Variants in COL4A4 observed in about 807,000 individuals in gnomAD.
COL4A4 encodes the protein collagen type IV alpha 4 chain, also known as collagen alpha-4(IV) chain.
A neutral mutation model predicts 192.9 loss-of-function variants in COL4A4; 105 were observed. That is an observed-to-expected ratio of 0.54 (90% CI 0.46 to 0.64). The LOEUF (loss-of-function observed/expected upper bound fraction) is 0.64, where lower values mean the gene tolerates loss of function less well. COL4A4 is among the 30% of genes least tolerant of loss of function. COL4A4 has a pLI of 0.00. For missense variants in COL4A4, 1,967 were observed against 2,169.3 expected, an observed-to-expected ratio of 0.91 and a Z score of 1.85; for synonymous variants, 762 against 769.9, an observed-to-expected ratio of 0.99 and a Z score of 0.17.
At chr2:227,118,835 C>A in intron 6 of COL4A4, 74 bp from the exon 7 acceptor site, 1 of 928,672 alleles carries the variant, frequency 1.1e-6, no homozygotes, top group Non-Finnish European at 1.8e-6. Flanking sequence ...AATATGAATA[C>A]TCAAATTATG....
At position 227,100,999 on chromosome 2, in the gene COL4A4, G is replaced by A. The variant is rs190588176; in HGVS notation, c.1029+505C>T. Among the ~76,000 whole-genome samples, 46 of 152,096 alleles carry A rather than the reference G, an allele frequency of 3.0e-4. No homozygotes were observed. The East Asian group carries it at 6.4e-3, about 21-fold the overall frequency. On this transcript the variant is annotated intron_variant, in intron 17 of 47. Transcript: ENST00000396625. ...TTGTTTTTGTATTTTTAGTAGAGAC[G>A]GGGTTTCACTGTGTTAGCCAGGATG...
chr2:227,155,459 T>C (rs1225625478), intron 1 of COL4A4, among the ~76,000 whole-genome samples: 1 of 152,204 alleles, frequency 6.6e-6, no homozygotes, highest in East Asian at 1.9e-4. Context: ...GAGGAGCCCT[T>C]TGCCTCCAAG....
the COL4A4 span, among the ~76,000 whole-genome samples, chr2:226,969,520 T>C: frequency 6.7e-6 from 1 of 150,060 alleles, no homozygotes; most frequent in Non-Finnish European, 1.5e-5. Context: ...GGAGTTAAAC[T>C]ACATCCAAGG....
intron 4 of COL4A4, among the ~76,000 whole-genome samples, chr2:227,126,493 GTGT>G (rs2062098431): frequency 1.3e-5 from 2 of 152,164 alleles, no homozygotes; most frequent in African/African-American, 4.8e-5. Context: ...TATAATGTAG[GTGT>G]TGTTATGCCT....
In COL4A4 at chr2:227,136,577, G is replaced by A. The variant is rs559305145; in HGVS notation, c.192+3584C>T. On this transcript the variant is annotated intron_variant, in intron 4 of 47. Transcript: ENST00000396625. ...GGACTTCATTCTGTAGACATCAAAG[G>A]AGGCCCCCCTTGATTCTCCACCTTA... 1.2e-4 allele frequency among the ~76,000 whole-genome samples: 18 copies of A among 152,218 alleles called. No homozygotes were observed. In the South Asian group the frequency reaches 3.7e-3, roughly 32 times the overall value.
intron 37 of COL4A4, among the ~76,000 whole-genome samples, chr2:227,040,602 G>C (rs1279869183): frequency 2.1e-5 from 3 of 143,366 alleles, no homozygotes; most frequent in African/African-American, 7.8e-5. Flanking sequence ...GTCTTACTCT[G>C]TTGCCTAGGC....
intron 4 of COL4A4, among the ~76,000 whole-genome samples, chr2:227,122,228 C>A (rs972812382): frequency 6.6e-6 from 1 of 152,182 alleles, no homozygotes; most frequent in East Asian, 1.9e-4. Context: ...ATATCCCGAC[C>A]AGGTGCAGTG....
intron 43 of COL4A4, among the ~76,000 whole-genome samples, chr2:227,023,266 C>T (rs1966365862): frequency 6.6e-6 from 1 of 150,426 alleles, no homozygotes; most frequent in Non-Finnish European, 1.5e-5. Context: ...CATGGTGAAA[C>T]CCCATCTCTA....
chr2:227,157,694 G>T (rs974266702), intron 1 of COL4A4, among the ~76,000 whole-genome samples: 51 of 151,928 alleles, frequency 3.4e-4, no homozygotes, highest in African/African-American at 1.2e-3. Flanking sequence ...TATCAAAACT[G>T]ACATAAGAAA....
chr2:227,048,677 G>A (rs1449086050), intron 34 of COL4A4, among the ~76,000 whole-genome samples: 1 of 152,170 alleles, frequency 6.6e-6, no homozygotes, highest in African/African-American at 2.4e-5. Flanking sequence ...TTGACTCCAG[G>A]TATTTTGAGT....
chr2:226,993,341 G>A, the COL4A4 span, among the ~76,000 whole-genome samples: 1 of 152,192 alleles, frequency 6.6e-6, no homozygotes, highest in Non-Finnish European at 1.5e-5. Flanking sequence ...TTCTGACTCT[G>A]CCCTCAGCTA....
At chr2:227,120,247 T>C (rs2061702649) in intron 5 of COL4A4, among the ~76,000 whole-genome samples, 1 of 152,140 alleles carries the variant, frequency 6.6e-6, no homozygotes, top group South Asian at 2.1e-4. Flanking sequence ...AGGCAATTGA[T>C]AGGATTATTT....
intron 7 of COL4A4, among the ~76,000 whole-genome samples, chr2:227,116,007 T>C (rs893752044): frequency 6.6e-6 from 1 of 152,210 alleles, no homozygotes; most frequent in African/African-American, 2.4e-5. Flanking sequence ...CCAAAACATG[T>C]TGCAAAGAAA....
At chr2:227,140,273 A>G in intron 3 of COL4A4, 35 bp from the exon 4 acceptor site, 1 of 1,577,680 alleles carries the variant, frequency 6.3e-7, no homozygotes, top group East Asian at 2.2e-5. Context: ...GTATACCAGT[A>G]CTCATCGTTT....
At position 227,033,413 on chromosome 2, in the gene COL4A4, A is replaced by C; in HGVS notation, c.3574T>G (p.Ser1192Ala). ...TACGAATCGATTAGGTGCTTACCTG[A>C]AGCACCTTTAGTTCCTTTCTGACCT... The part of the protein sequence containing the change: ...LKGQKGTKGA[S>A]GLHDVGPPGP... Residue 1192 changes from serine to alanine, a missense_variant, in exon 38 of 48, where the codon TCA (serine) becomes GCA (alanine). Ser to Ala is a moderately conservative substitution (Grantham distance 99, BLOSUM62 1). Coordinates refer to ENST00000396625, the MANE Select transcript of COL4A4 (RefSeq NM_000092.5). The C allele has an allele frequency of 6.2e-7, 1 of 1,612,794 alleles. No individual in the cohort carries two copies. Among genetic ancestry groups the C allele is most frequent in the Non-Finnish European group, 8.5e-7 (1 of 1,179,364 alleles).
intron 44 of COL4A4, among the ~76,000 whole-genome samples, chr2:227,016,749 C>T (rs1438048150): frequency 6.6e-6 from 1 of 152,210 alleles, no homozygotes; most frequent in Non-Finnish European, 1.5e-5. Flanking sequence ...TTGAGCTACA[C>T]TCAGTGCAGA....
At chr2:227,068,409 C>G (rs1458209911) in intron 25 of COL4A4, among the ~76,000 whole-genome samples, 3 of 152,134 alleles carry the variant, frequency 2.0e-5, no homozygotes, top group Non-Finnish European at 4.4e-5. Flanking sequence ...GGCAGAGACA[C>G]AACCAAAAAA....
At position 227,124,743 on chromosome 2, in the gene COL4A4, A is replaced by G. The variant is rs539411704; in HGVS notation, c.193-3595T>C. ...TACGATCTAAAAGTAAAAACAAACA[A>G]TGACTTCAGAGCACCTTTCTGTCTA... On this transcript the variant is annotated intron_variant, in intron 4 of 47. Transcript: ENST00000396625. 1.2e-4 allele frequency among the ~76,000 whole-genome samples: 18 copies of G among 152,354 alleles called. No homozygotes were observed. In the South Asian group the frequency reaches 3.7e-3, roughly 32 times the overall value.
At chr2:227,024,134 C>T (rs1181448374) in intron 43 of COL4A4, among the ~76,000 whole-genome samples, 2 of 152,220 alleles carry the variant, frequency 1.3e-5, no homozygotes, top group Non-Finnish European at 2.9e-5. Context: ...GCTCCAAACC[C>T]ATGTTCTTAA....
Sources: gnomAD v4.1 joint callset for allele counts (sites outside exome capture counted in the v4.1 genomes callset) on GRCh38, gnomAD v4.1.1 for gene constraint, MANE v1.5 for transcripts, NCBI Gene and HGNC (gene_info 2026-07-23, HGNC 2026-07-21) for gene names.